Variants in ERCC8 observed in about 807,000 individuals in gnomAD.
ERCC8 encodes the protein ERCC excision repair 8, CSA ubiquitin ligase complex subunit.
In ERCC8, 52 loss-of-function variants were observed where a neutral mutation model predicts 54.9. The observed-to-expected ratio is 0.95, with a 90% CI of 0.76 to 1.19. ERCC8 has a LOEUF of 1.19. Ranked by LOEUF, ERCC8 falls within the 50% of genes most tolerant of loss-of-function variation. The pLI is 0.00. For missense variants in ERCC8, 514 were observed against 466.1 expected (o/e 1.10, Z -0.95); for synonymous variants, 146 against 157.2 (o/e 0.93, Z 0.53).
At chr5:60,911,687 C>T (rs932335932) in intron 4 of ERCC8, among the ~76,000 whole-genome samples, 4 of 152,022 alleles carry the variant, frequency 2.6e-5, no homozygotes, top group Non-Finnish European at 4.4e-5. Context: ...CTGAATGGTA[C>T]TGCCTAGGTT....
At chr5:60,887,597 A>C in intron 10 of ERCC8, 77 bp from the exon 11 acceptor site, 1 of 1,043,682 alleles carries the variant, frequency 9.6e-7, no homozygotes, top group Non-Finnish European at 1.5e-6. Context: ...TCATTTTTGA[A>C]ATAATTAGGT....
intron 11 of ERCC8, among the ~76,000 whole-genome samples, chr5:60,875,886 ATTTT>A (rs924612942): frequency 1.5e-4 from 17 of 115,952 alleles, no homozygotes; most frequent in African/African-American, 7.3e-4. Flanking sequence ...TAATTTATTT[ATTTT>A]TTCTTTTTTT....
At chr5:60,893,775 TTTATAG>T (rs968821210) in intron 9 of ERCC8, 28 of 304,740 alleles carry the variant, frequency 9.2e-5, no homozygotes, top group Admixed American at 1.4e-4. Context: ...CTCCCTTCCC[TTTATAG>T]TTAAACATTT....
rs1221118988 is a variant in ERCC8 at position 60,871,514 on chromosome 5, A to G, written c.*3101T>C. 2.0e-5 allele frequency among the ~76,000 whole-genome samples: 3 copies of G among 152,218 alleles called. No homozygotes were observed. Among genetic ancestry groups the G allele is most frequent in the Admixed American group, 2.0e-4 (3 of 15,278 alleles). On this transcript the variant is annotated 3_prime_UTR_variant, in exon 12 of 12. Transcript: ENST00000676185. ...TGGGGAATGTGGTACTAATGTGGAA[A>G]GAGAGGGGTGTTTATAACAACAGCT...
At chr5:60,877,988 G>A (rs1438284524) in intron 11 of ERCC8, among the ~76,000 whole-genome samples, 14 of 152,168 alleles carry the variant, frequency 9.2e-5, no homozygotes, top group African/African-American at 3.1e-4. Context: ...TGCCCATTCA[G>A]TATGATATTG....
intron 6 of ERCC8, among the ~76,000 whole-genome samples, 192 bp from the exon 7 acceptor site, chr5:60,902,700 T>C (rs767296496): frequency 5.3e-5 from 8 of 152,030 alleles, no homozygotes; most frequent in Non-Finnish European, 1.2e-4. Context: ...TTCAAACATA[T>C]GGTATTTTAT....
At chr5:60,911,974 A>G (rs1749280480) in intron 4 of ERCC8, among the ~76,000 whole-genome samples, 1 of 152,212 alleles carries the variant, frequency 6.6e-6, no homozygotes, top group African/African-American at 2.4e-5. Flanking sequence ...TACCAGTACC[A>G]TGCTGTTTTG....
At chr5:60,913,874 T>C (rs976576589) in intron 4 of ERCC8, among the ~76,000 whole-genome samples, 9 of 152,112 alleles carry the variant, frequency 5.9e-5, no homozygotes, top group Admixed American at 5.2e-4. Context: ...CAGGAGCAGG[T>C]TGTTCAGTTC....
chr5:60,929,438 A>G (rs1749844972), intron 1 of ERCC8, among the ~76,000 whole-genome samples: 1 of 152,078 alleles, frequency 6.6e-6, no homozygotes, highest in African/African-American at 2.4e-5. Flanking sequence ...TCTACAAAAA[A>G]TAAAATAAAA....
At chr5:60,885,270 T>A (rs1268554555) in intron 11 of ERCC8, among the ~76,000 whole-genome samples, 1 of 152,138 alleles carries the variant, frequency 6.6e-6, no homozygotes, top group Admixed American at 6.5e-5. Flanking sequence ...CACCTCAGCC[T>A]CTCAAAGTGC....
intron 6 of ERCC8, among the ~76,000 whole-genome samples, chr5:60,902,899 C>T (rs1470498892): frequency 1.3e-5 from 2 of 151,926 alleles, no homozygotes; most frequent in Non-Finnish European, 2.9e-5. Context: ...GAGAAACCTA[C>T]TTTAACTCAT....
At chr5:60,877,762 A>G (rs1262202469) in intron 11 of ERCC8, among the ~76,000 whole-genome samples, 1 of 152,168 alleles carries the variant, frequency 6.6e-6, no homozygotes, top group Non-Finnish European at 1.5e-5. Context: ...CAGCTTAAGG[A>G]GATTTTGGGC....
At chr5:60,910,282 A>G (rs1306516437) in intron 4 of ERCC8, among the ~76,000 whole-genome samples, 1 of 152,146 alleles carries the variant, frequency 6.6e-6, no homozygotes, top group Non-Finnish European at 1.5e-5. Context: ...CATTGCCTTC[A>G]CTAGTATAAC....
At chr5:60,923,952 C>A (rs1025560342) in intron 2 of ERCC8, among the ~76,000 whole-genome samples, 4 of 152,026 alleles carry the variant, frequency 2.6e-5, no homozygotes, top group South Asian at 4.1e-4. Context: ...CTGTATAGTT[C>A]ATAGTTCATC....
chr5:60,933,359 T>C (rs1332124310), intron 1 of ERCC8, among the ~76,000 whole-genome samples: 3 of 151,312 alleles, frequency 2.0e-5, no homozygotes, highest in Non-Finnish European at 4.4e-5. Context: ...GCTGGGATTA[T>C]AGGCATCTGC....
At chr5:60,921,100 TTTAA>T (rs1393937270) in intron 3 of ERCC8, among the ~76,000 whole-genome samples, 4 of 151,944 alleles carry the variant, frequency 2.6e-5, no homozygotes, top group Non-Finnish European at 5.9e-5. Context: ...TAGTATTTCA[TTTAA>T]TTCTCATAGA....
rs569290833 is a variant in ERCC8 at position 60,870,254 on chromosome 5, T to C, written c.*4361A>G. Reference sequence around the variant, plus strand: ...ACAGAAACAACAAAACAAGTAATTATTAAGCACCTACTACATGCCAACTAC... The same window carrying C: ...ACAGAAACAACAAAACAAGTAATTACTAAGCACCTACTACATGCCAACTAC... On this transcript the variant is annotated 3_prime_UTR_variant, in exon 12 of 12. Transcript: ENST00000676185. Among the ~76,000 whole-genome samples the C allele has an allele frequency of 3.0e-4, 46 of 151,916 alleles. No individual in the cohort carries two copies. Among genetic ancestry groups the C allele is most frequent in the African/African-American group, 1.1e-3 (44 of 41,400 alleles).
chr5:60,889,690 A>C (rs1748492518), intron 10 of ERCC8, among the ~76,000 whole-genome samples: 1 of 152,204 alleles, frequency 6.6e-6, no homozygotes, highest in African/African-American at 2.4e-5. Context: ...AGTACCTGGG[A>C]TGAAATTTCG....
chr5:60,885,247 CAA>C (rs1440318751), intron 11 of ERCC8, among the ~76,000 whole-genome samples: 1 of 152,028 alleles, frequency 6.6e-6, no homozygotes, highest in African/African-American at 2.4e-5. Context: ...CTCCTGGACT[CAA>C]GAGATTCTCC....
Sources: gnomAD v4.1 joint callset for allele counts (sites outside exome capture counted in the v4.1 genomes callset) on GRCh38, gnomAD v4.1.1 for gene constraint, MANE v1.5 for transcripts, NCBI Gene and HGNC (gene_info 2026-07-23, HGNC 2026-07-21) for gene names.